Variants in HCN1 observed in about 807,000 individuals in gnomAD.
The protein encoded by HCN1 is hyperpolarization activated cyclic nucleotide gated potassium channel 1.
In HCN1, 13 loss-of-function variants were observed where a neutral mutation model predicts 78.9. That is an observed-to-expected ratio of 0.16 (90% CI 0.11 to 0.26). HCN1 has a LOEUF of 0.26. Among genes scored for constraint, HCN1 ranks in the 10% least tolerant of loss-of-function variants. HCN1 has a pLI of 1.00. For missense variants in HCN1, 810 were observed against 1,154.3 expected (o/e 0.70, Z 4.32); for synonymous variants, 552 against 455.5 (o/e 1.21, Z -2.70).
chr5:45,347,481 G>A (rs1166920659), intron 5 of HCN1, among the ~76,000 whole-genome samples: 1 of 152,204 alleles, frequency 6.6e-6, no homozygotes, highest in Admixed American at 6.5e-5. Context: ...AAGGAACGCA[G>A]TTGGTCACCA....
intron 6 of HCN1, among the ~76,000 whole-genome samples, chr5:45,288,689 CA>C (rs1561089883): frequency 6.6e-6 from 1 of 151,952 alleles, no homozygotes; most frequent in Non-Finnish European, 1.5e-5. Context: ...AAGAATCAGG[CA>C]TTAAATCGTG....
intron 2 of HCN1, among the ~76,000 whole-genome samples, chr5:45,498,656 G>C (rs185689754): frequency 2.9e-3 from 446 of 152,252 alleles, no homozygotes; most frequent in African/African-American, 0.01. Context: ...AGGAGGAGAG[G>C]TGCTCTGCTT....
At chr5:45,548,474 A>G (rs116086494) in intron 2 of HCN1, among the ~76,000 whole-genome samples, 1 of 152,068 alleles carries the variant, frequency 6.6e-6, no homozygotes, top group African/African-American at 2.4e-5. Flanking sequence ...TCAATAAATT[A>G]GGTACTCACG....
intron 2 of HCN1, among the ~76,000 whole-genome samples, chr5:45,528,426 T>C (rs937578724): frequency 4.6e-5 from 7 of 151,956 alleles, no homozygotes; most frequent in Admixed American, 2.0e-4. Context: ...ATAGTTTTCA[T>C]TGTTGAGTTT....
At chr5:45,620,154 C>T (rs565082943) in intron 2 of HCN1, among the ~76,000 whole-genome samples, 3 of 152,042 alleles carry the variant, frequency 2.0e-5, no homozygotes, top group Middle Eastern at 3.4e-3. Context: ...CTCTTCAAGG[C>T]GTCAAGGTGG....
chr5:45,555,177 T>A (rs2111863307), intron 2 of HCN1, among the ~76,000 whole-genome samples: 1 of 151,924 alleles, frequency 6.6e-6, no homozygotes, highest in South Asian at 2.1e-4. Context: ...CTAGCAGAAC[T>A]GATAATTTCA....
At chr5:45,426,803 T>TA (rs1045769998) in intron 3 of HCN1, among the ~76,000 whole-genome samples, 2 of 152,174 alleles carry the variant, frequency 1.3e-5, no homozygotes, top group Non-Finnish European at 2.9e-5. Context: ...GTACTAAAAA[T>TA]AAAAAACCTT....
chr5:45,467,635 C>T (rs189415229), intron 2 of HCN1, among the ~76,000 whole-genome samples: 1 of 152,138 alleles, frequency 6.6e-6, no homozygotes. Context: ...AGGCCCTCAG[C>T]AATGGTCTAT....
At chr5:45,581,607 C>A (rs1744074272) in intron 2 of HCN1, among the ~76,000 whole-genome samples, 1 of 152,102 alleles carries the variant, frequency 6.6e-6, no homozygotes, top group Non-Finnish European at 1.5e-5. Context: ...TGCCTATGTC[C>A]TGAATGGTAT....
intron 4 of HCN1, among the ~76,000 whole-genome samples, chr5:45,388,477 G>T (rs1181161413): frequency 6.6e-6 from 1 of 152,134 alleles, no homozygotes; most frequent in Non-Finnish European, 1.5e-5. Flanking sequence ...AATACCCTAG[G>T]GTGGTGCTGG....
chr5:45,678,188 G>A (rs1739626673), intron 1 of HCN1, among the ~76,000 whole-genome samples: 1 of 151,880 alleles, frequency 6.6e-6, no homozygotes, highest in African/African-American at 2.4e-5. Flanking sequence ...TTTGGATGCA[G>A]TGATTCCCTT....
chr5:45,322,421 TAAC>T (rs1029701075), intron 5 of HCN1, among the ~76,000 whole-genome samples: 13 of 151,814 alleles, frequency 8.6e-5, no homozygotes, highest in Admixed American at 2.0e-4. Flanking sequence ...CATGTAATTA[TAAC>T]AACAACCCAA....
At chr5:45,377,768 A>C (rs368828115) in intron 4 of HCN1, among the ~76,000 whole-genome samples, 1 of 152,150 alleles carries the variant, frequency 6.6e-6, no homozygotes, top group African/African-American at 2.4e-5. Flanking sequence ...CTATAAATAC[A>C]TAAGACTATA....
chr5:45,687,107 A>G (rs866484145), intron 1 of HCN1, among the ~76,000 whole-genome samples: 3 of 152,188 alleles, frequency 2.0e-5, no homozygotes, highest in African/African-American at 7.2e-5. Context: ...ACTTTGTTAC[A>G]TCGTCATTTA....
At chr5:45,380,146 A>T (rs1747774101) in intron 4 of HCN1, among the ~76,000 whole-genome samples, 2 of 152,072 alleles carry the variant, frequency 1.3e-5, no homozygotes, top group South Asian at 4.1e-4. Context: ...GAAGTCCACA[A>T]TCAAGACATC....
chr5:45,658,479 G>A (rs1038556370), intron 1 of HCN1, among the ~76,000 whole-genome samples: 2 of 152,206 alleles, frequency 1.3e-5, no homozygotes, highest in Non-Finnish European at 2.9e-5. Flanking sequence ...AACAGCTCCA[G>A]TCTACAGCTC....
intron 2 of HCN1, among the ~76,000 whole-genome samples, chr5:45,478,369 A>G (rs1741568411): frequency 6.6e-6 from 1 of 152,218 alleles, no homozygotes; most frequent in Non-Finnish European, 1.5e-5. Context: ...TATATTAATT[A>G]TGTAGAATGT....
chr5:45,487,058 G>C (rs1259706746), intron 2 of HCN1, among the ~76,000 whole-genome samples: 1 of 151,966 alleles, frequency 6.6e-6, no homozygotes, highest in Non-Finnish European at 1.5e-5. Flanking sequence ...AGCAGTAATT[G>C]TTTCTTACTT....
intron 2 of HCN1, among the ~76,000 whole-genome samples, chr5:45,588,128 C>T (rs568499874): frequency 6.6e-6 from 1 of 152,268 alleles, no homozygotes; most frequent in South Asian, 2.1e-4. Flanking sequence ...GTTACAGTAT[C>T]TTGAACTAAG....
Sources: gnomAD v4.1 joint callset for allele counts (sites outside exome capture counted in the v4.1 genomes callset) on GRCh38, gnomAD v4.1.1 for gene constraint, MANE v1.5 for transcripts, NCBI Gene and HGNC (gene_info 2026-07-23, HGNC 2026-07-21) for gene names.